The following CACNA1D variants were observed in gnomAD, a reference collection of about 807,000 sequenced individuals.
CACNA1D encodes voltage-dependent L-type calcium channel subunit alpha-1D.
CACNA1D carries 55 observed loss-of-function variants against 257.1 expected under a neutral mutation model. That is an observed-to-expected ratio of 0.21 (90% CI 0.17 to 0.27). CACNA1D has a LOEUF of 0.27. Ranked by LOEUF, CACNA1D falls within the 10% of genes least tolerant of loss-of-function variation. The probability of loss-of-function intolerance (pLI) is 1.00; values close to 1 mark genes in which losing one functional copy is unlikely to be tolerated. For missense variants in CACNA1D, 1,876 were observed against 2,784.0 expected, an observed-to-expected ratio of 0.67 and a Z score of 7.34; for synonymous variants, 980 against 1,014.9, an observed-to-expected ratio of 0.97 and a Z score of 0.65.
intron 3 of CACNA1D, among the ~76,000 whole-genome samples, chr3:53,520,588 A>G (rs557501378): frequency 6.6e-6 from 1 of 152,276 alleles, no homozygotes; most frequent in African/African-American, 2.4e-5. Flanking sequence ...CAGCATGGTG[A>G]AACCCTGTCT....
chr3:53,716,044 T>A (rs1312561106), intron 9 of CACNA1D, among the ~76,000 whole-genome samples: 2 of 152,240 alleles, frequency 1.3e-5, no homozygotes, highest in Non-Finnish European at 2.9e-5. Context: ...TGTACCGATA[T>A]CAGCATGAGA....
chr3:53,801,198 G>A lies in CACNA1D; in HGVS notation c.5181G>A (p.Pro1727=), dbSNP rs752362880. 4.4e-5 allele frequency: 71 copies of A among 1,613,672 alleles called. No homozygotes were observed. Among genetic ancestry groups the A allele is most frequent in the African/African-American group, 6.7e-5 (5 of 74,822 alleles). ...SIPPASDTEK[P]LFPPAGNSVC... is the part of the protein sequence containing the mutation. ...CACCTGCAAGTGATACTGAGAAACC[G>A]CTGTTTCCTCCAGCAGGAAATTCGG... is the stretch of plus-strand genomic sequence containing the variant. Residue 1727 remains proline (P), a synonymous_variant, in exon 42 of 48, where the codon CCG becomes CCA. Coordinates refer to ENST00000350061, the MANE Select transcript of CACNA1D (RefSeq NM_001128840.3).
intron 2 of CACNA1D, among the ~76,000 whole-genome samples, chr3:53,498,276 G>A (rs573601764): frequency 1.5e-4 from 23 of 152,214 alleles, no homozygotes; most frequent in Admixed American, 1.0e-3. Flanking sequence ...GTACATTTCT[G>A]GGTGTCTCCT....
In CACNA1D at chr3:53,793,628, C is replaced by A. The variant is rs2095494792; in HGVS notation, c.4924-6621C>A. The stretch of plus-strand genomic sequence containing the variant: ...GACTTAGGGAGTGATTTAAATGGAA[C>A]AAGAGAGTCTTCTCCACTTGGGCCT... On this transcript the variant is annotated intron_variant, in intron 40 of 47. Coordinates refer to ENST00000350061, the MANE Select transcript of CACNA1D (RefSeq NM_001128840.3). The surrounding 1 kb of genome is among the most constrained non-coding windows in gnomAD (Gnocchi z 4.1). Among the ~76,000 whole-genome samples the A allele has an allele frequency of 6.6e-6, 1 of 152,192 alleles. No individual in the cohort carries two copies. The highest frequency in any genetic ancestry group is 1.5e-5 in the Non-Finnish European group (1 of 68,034).
chr3:53,694,719 A>G (rs2094558375), intron 8 of CACNA1D, among the ~76,000 whole-genome samples: 1 of 152,068 alleles, frequency 6.6e-6, no homozygotes, highest in Non-Finnish European at 1.5e-5. Context: ...TTTTTCTGTT[A>G]TTGTTAGAGA....
chr3:53,624,368 C>A (rs530047576), intron 3 of CACNA1D, among the ~76,000 whole-genome samples: 1 of 152,316 alleles, frequency 6.6e-6, no homozygotes, highest in Non-Finnish European at 1.5e-5. Flanking sequence ...AAAGGAGATT[C>A]AGCACATTAG....
chr3:53,511,575 A>C lies in CACNA1D; in HGVS notation c.483+9855A>C, dbSNP rs375897124. ...GCGCAAGCAGATGGTCCCTGCATTC[A>C]TGTTTTTCAGGGGTCAGGGTACGAC... is the stretch of plus-strand genomic sequence containing the variant. On this transcript the variant is annotated intron_variant, in intron 3 of 47. Coordinates refer to ENST00000350061, the MANE Select transcript of CACNA1D (RefSeq NM_001128840.3). Among the ~76,000 whole-genome samples the C allele has an allele frequency of 9.7e-4, 148 of 152,274 alleles. 6 individuals carry two copies. In the South Asian group the frequency reaches 0.029, roughly 30 times the overall value.
intron 45 of CACNA1D, among the ~76,000 whole-genome samples, chr3:53,805,989 G>A (rs1480953145): frequency 9.1e-4 from 5 of 5,514 alleles, no homozygotes; most frequent in East Asian, 0.016. Flanking sequence ...CTCCTCCTCC[G>A]TTCCTCCCTC....
At chr3:53,513,462 T>G (rs2091204625) in intron 3 of CACNA1D, among the ~76,000 whole-genome samples, 2 of 152,106 alleles carry the variant, frequency 1.3e-5, no homozygotes, top group Admixed American at 1.3e-4. Flanking sequence ...TGAAACCTCG[T>G]CTCTACCAAA....
At chr3:53,541,115 T>C (rs1350692317) in intron 3 of CACNA1D, among the ~76,000 whole-genome samples, 4 of 152,222 alleles carry the variant, frequency 2.6e-5, no homozygotes, top group Non-Finnish European at 4.4e-5. Flanking sequence ...CTCTGGTACA[T>C]AATCTTGACA....
chr3:53,542,171 A>G (rs2092312822), intron 3 of CACNA1D, among the ~76,000 whole-genome samples: 1 of 151,662 alleles, frequency 6.6e-6, no homozygotes. Context: ...CAATGAAGCT[A>G]TTAAAAAACA....
chr3:53,550,595 T>G (rs1575833725), intron 3 of CACNA1D, among the ~76,000 whole-genome samples: 1 of 152,360 alleles, frequency 6.6e-6, no homozygotes, highest in Admixed American at 6.5e-5. Flanking sequence ...GGTTTTAGAA[T>G]GTTGGGTAAT....
intron 4 of CACNA1D, among the ~76,000 whole-genome samples, chr3:53,657,798 AC>A (rs2094163242): frequency 6.6e-6 from 1 of 152,230 alleles, no homozygotes; most frequent in Non-Finnish European, 1.5e-5. Flanking sequence ...TCCAACAGTG[AC>A]CTATTGCTTT....
At chr3:53,778,726 C>G (rs2095410757) in intron 37 of CACNA1D, among the ~76,000 whole-genome samples, 1 of 152,166 alleles carries the variant, frequency 6.6e-6, no homozygotes, top group African/African-American at 2.4e-5. Flanking sequence ...GTACCTCACC[C>G]AAACCCCCTC....
At chr3:53,515,902 A>G (rs1255151538) in intron 3 of CACNA1D, among the ~76,000 whole-genome samples, 2 of 152,188 alleles carry the variant, frequency 1.3e-5, no homozygotes, top group Non-Finnish European at 2.9e-5. Context: ...TCAGGCATTT[A>G]GGCTCTGCCC....
rs150077702 is a variant in CACNA1D, at chr3:53,689,565, C to T, written c.1221-13076C>T. Among the ~76,000 whole-genome samples the T allele has an allele frequency of 2.4e-3, 367 of 152,110 alleles. 6 individuals are homozygous for T. The East Asian group carries it at 0.036, about 15-fold the overall frequency. ...GTATAGATGTGGGAGTTTGTTGTGGCTCGTGCCTCTCAGATAAGAAGAGGT... is the reference window on the plus strand; with the variant it reads ...GTATAGATGTGGGAGTTTGTTGTGGTTCGTGCCTCTCAGATAAGAAGAGGT... On this transcript the variant is annotated intron_variant, in intron 8 of 47. Coordinates refer to ENST00000350061, the MANE Select transcript of CACNA1D (RefSeq NM_001128840.3).
intron 4 of CACNA1D, among the ~76,000 whole-genome samples, chr3:53,659,477 A>T (rs975926206): frequency 2.6e-5 from 4 of 152,192 alleles, no homozygotes; most frequent in African/African-American, 9.7e-5. Flanking sequence ...TCATTCATTG[A>T]TTGATTCATC....
At chr3:53,530,742 G>A (rs1402180417) in intron 3 of CACNA1D, among the ~76,000 whole-genome samples, 1 of 152,120 alleles carries the variant, frequency 6.6e-6, no homozygotes, top group Non-Finnish European at 1.5e-5. Context: ...AGTCTCATTT[G>A]TTTCGCTGGA....
chr3:53,610,417 C>T (rs1485458300), intron 3 of CACNA1D, among the ~76,000 whole-genome samples: 1 of 152,178 alleles, frequency 6.6e-6, no homozygotes, highest in Non-Finnish European at 1.5e-5. Context: ...TGAAGCTTTG[C>T]TCCTGGATGA....
Sources: gnomAD v4.1 joint callset for allele counts (sites outside exome capture counted in the v4.1 genomes callset) on GRCh38, gnomAD v4.1.1 for gene constraint, Gnocchi (gnomAD v3.1) non-coding constraint, MANE v1.5 for transcripts, NCBI Gene and HGNC (gene_info 2026-07-23, HGNC 2026-07-21) for gene names.